The following SH3D19 variants were observed in gnomAD, a reference collection of about 807,000 sequenced individuals.
SH3D19 encodes the protein SH3 domain containing 19.
A neutral mutation model predicts 112.1 loss-of-function variants in SH3D19; 58 were observed. That is an observed-to-expected ratio of 0.52 (90% confidence interval 0.42 to 0.64). The LOEUF (loss-of-function observed/expected upper bound fraction) is 0.64, where lower values mean the gene tolerates loss of function less well. Ranked by LOEUF, SH3D19 falls within the 30% of genes least tolerant of loss-of-function variation. The pLI is 0.00. For missense variants in SH3D19, 1,090 were observed against 1,263.4 expected, an observed-to-expected ratio of 0.86 and a Z score of 2.08; for synonymous variants, 391 against 448.5, an observed-to-expected ratio of 0.87 and a Z score of 1.62.
chr4:151,291,958 T>C (rs1005306044), intron 1 of SH3D19, among the ~76,000 whole-genome samples: 2 of 152,018 alleles, frequency 1.3e-5, no homozygotes, highest in African/African-American at 4.8e-5. Context: ...GCACACTGCC[T>C]ACAGATTAGC....
rs1216256284 is a variant in SH3D19 at position 151,281,660 on chromosome 4, G to A, written c.112+43581C>T. Among the ~76,000 whole-genome samples, 3 of 145,224 alleles carry A rather than the reference G, an allele frequency of 2.1e-5. No individual in the cohort carries two copies. The East Asian group carries it at 6.0e-4, about 29-fold the overall frequency. ...AGTTTGAACTGAGGGTGGTGGGGCAGAGAACTTGTTATTTATTTATTTATT... is the reference window on the plus strand; with the variant it reads ...AGTTTGAACTGAGGGTGGTGGGGCAAAGAACTTGTTATTTATTTATTTATT... On this transcript the variant is annotated intron_variant, in intron 1 of 19. Coordinates refer to ENST00000604030, the MANE Select transcript of SH3D19 (RefSeq NM_001378122.1).
chr4:151,200,076 G>T (rs1764175472), intron 2 of SH3D19, among the ~76,000 whole-genome samples: 1 of 152,168 alleles, frequency 6.6e-6, no homozygotes, highest in African/African-American at 2.4e-5. Flanking sequence ...GAACCAGACT[G>T]CAAGCCCTTA....
At chr4:151,224,217 G>C (rs1268604848) in intron 2 of SH3D19, among the ~76,000 whole-genome samples, 1 of 152,170 alleles carries the variant, frequency 6.6e-6, no homozygotes, top group Non-Finnish European at 1.5e-5. Context: ...GCTGAGGCAG[G>C]AGAATGGCGT....
intron 12 of SH3D19, among the ~76,000 whole-genome samples, chr4:151,143,083 T>A (rs992958182): frequency 6.6e-6 from 1 of 152,042 alleles, no homozygotes; most frequent in African/African-American, 2.4e-5. Context: ...CAAAAAATTT[T>A]AAAAATTGCC....
chr4:151,258,960 T>C (rs1371248958), intron 1 of SH3D19, among the ~76,000 whole-genome samples: 3 of 151,212 alleles, frequency 2.0e-5, no homozygotes, highest in African/African-American at 7.3e-5. Flanking sequence ...GGGTAAGCCC[T>C]AGGTAGGGAC....
rs147785448 is a variant in SH3D19, at chr4:151,247,762, C to T, written c.113-21676G>A. On this transcript the variant is annotated intron_variant, in intron 1 of 19. Coordinates refer to ENST00000604030, the MANE Select transcript of SH3D19 (RefSeq NM_001378122.1). ...ATTTTATGTGGATTAAATAAGATAGCGGAGATAAATCTTGGATGTATTGTA... is the reference window on the plus strand; with the variant it reads ...ATTTTATGTGGATTAAATAAGATAGTGGAGATAAATCTTGGATGTATTGTA... Among the ~76,000 whole-genome samples the T allele has an allele frequency of 5.9e-5, 9 of 152,070 alleles. No homozygotes were observed. The East Asian group carries it at 1.4e-3, about 23-fold the overall frequency.
intron 2 of SH3D19, among the ~76,000 whole-genome samples, chr4:151,198,707 A>C (rs906481288): frequency 2.0e-5 from 3 of 152,026 alleles, no homozygotes; most frequent in African/African-American, 7.2e-5. Flanking sequence ...ACGGCAAAAC[A>C]ATGTAAATTC....
intron 10 of SH3D19, among the ~76,000 whole-genome samples, chr4:151,148,995 G>A (rs1426212385): frequency 1.3e-5 from 2 of 151,942 alleles, no homozygotes; most frequent in Non-Finnish European, 2.9e-5. Context: ...CTGAGATCGC[G>A]CCACTGTACT....
At chr4:151,325,026 C>T (rs1396668865) in intron 1 of SH3D19, among the ~76,000 whole-genome samples, 1 of 152,212 alleles carries the variant, frequency 6.6e-6, no homozygotes, top group Non-Finnish European at 1.5e-5. Context: ...TGTACGACCA[C>T]TAGCAGTTAA....
At chr4:151,139,456 AC>A (rs982320646) in intron 13 of SH3D19, among the ~76,000 whole-genome samples, 1 of 152,148 alleles carries the variant, frequency 6.6e-6, no homozygotes, top group African/African-American at 2.4e-5. Context: ...CCGGCCTAGT[AC>A]CCACTATTTT....
chr4:151,240,208 C>T (rs980299468), intron 1 of SH3D19, among the ~76,000 whole-genome samples: 1 of 151,320 alleles, frequency 6.6e-6, no homozygotes, highest in African/African-American at 2.4e-5. Context: ...AGTTTGAGAC[C>T]AGCTTGGGTA....
At chr4:151,236,927 C>A (rs1307206606) in intron 1 of SH3D19, among the ~76,000 whole-genome samples, 8 of 152,190 alleles carry the variant, frequency 5.3e-5, no homozygotes, top group Non-Finnish European at 7.3e-5. Flanking sequence ...TAAAATGGAC[C>A]AATCAGCAGC....
rs201520145 is a variant in SH3D19, at chr4:151,127,752, C to T, written c.2930-37G>A. On this transcript the variant is annotated intron_variant, in intron 18 of 19. Coordinates refer to ENST00000604030, the MANE Select transcript of SH3D19 (RefSeq NM_001378122.1). The stretch of plus-strand genomic sequence containing the variant: ...TAAAAAATTTAAATATATAGAAACA[C>T]AGTGGACTAAAACACAAATCTAACA... The T allele has an allele frequency of 1.1e-4, 133 of 1,219,888 alleles. No individual in the cohort carries two copies. The African/African-American group carries it at 1.6e-3, about 15-fold the overall frequency. The allele number at this position is 1,219,888 out of a possible 1,614,324, so 75.6% of individuals were successfully genotyped here. A position where few individuals can be genotyped will look rare whatever the true frequency, so the allele number is the denominator to read the frequency against.
At chr4:151,130,694 C>T (rs1454253148) in intron 17 of SH3D19, among the ~76,000 whole-genome samples, 1 of 152,110 alleles carries the variant, frequency 6.6e-6, no homozygotes, top group African/African-American at 2.4e-5. Context: ...GTAATCCCAG[C>T]ACTTAGGGAG....
chr4:151,140,013 C>G (rs1752702730), intron 12 of SH3D19, 166 bp from the exon 13 acceptor site: 1 of 560,908 alleles, frequency 1.8e-6, no homozygotes. Context: ...GAATTATTAT[C>G]AAGTTGAAGA....
intron 1 of SH3D19, among the ~76,000 whole-genome samples, chr4:151,304,931 G>C (rs1017159577): frequency 1.3e-5 from 2 of 152,190 alleles, no homozygotes; most frequent in African/African-American, 4.8e-5. Context: ...ATCTGCATAA[G>C]CTGGGAGGTT....
At chr4:151,300,314 T>C (rs1462015605) in intron 1 of SH3D19, among the ~76,000 whole-genome samples, 1 of 152,134 alleles carries the variant, frequency 6.6e-6, no homozygotes, top group Non-Finnish European at 1.5e-5. Flanking sequence ...ACTATACACA[T>C]CAGCTTTGCA....
intron 2 of SH3D19, among the ~76,000 whole-genome samples, chr4:151,215,619 T>G (rs1405628886): frequency 6.6e-6 from 1 of 152,188 alleles, no homozygotes; most frequent in Non-Finnish European, 1.5e-5. Context: ...CATTTAGAAG[T>G]GTTGCAAAAG....
In SH3D19 at chr4:151,174,670, C is replaced by T. The variant is rs1444111698; in HGVS notation, c.1534G>A (p.Asp512Asn). 1 of 1,510,722 alleles carries T rather than the reference C, an allele frequency of 6.6e-7. No individual in the cohort carries two copies. Among genetic ancestry groups the T allele is most frequent in the Non-Finnish European group, 8.8e-7 (1 of 1,131,022 alleles). The allele number at this position is 1,510,722 out of a possible 1,614,324, so 93.6% of individuals were successfully genotyped here. A position where few individuals can be genotyped will look rare whatever the true frequency, so the allele number is the denominator to read the frequency against. ...CCTCCACTGCTGATTTTTCACTCAC[C>T]TAGAACCATCTCTGAACCAACAGAT... is the stretch of plus-strand genomic sequence containing the variant. ...EESVGSEMVL[D>N]PFQLPAKTEP... Residue 512 changes from aspartate to asparagine, a missense_variant and splice_region_variant, in exon 7 of 20, where the codon GAT becomes AAT. By Grantham distance (23) the Asp-to-Asn change is conservative (BLOSUM62 1). Transcript: ENST00000604030.
Sources: allele counts gnomAD v4.1 joint callset (sites outside exome capture counted in the v4.1 genomes callset), GRCh38; gene constraint gnomAD v4.1.1; transcripts MANE v1.5; gene names NCBI Gene and HGNC (gene_info 2026-07-23, HGNC 2026-07-21).